Variants in OPCML observed in about 807,000 individuals in gnomAD.
The protein encoded by OPCML is opioid binding protein/cell adhesion molecule like.
In OPCML, 13 loss-of-function variants were observed where a neutral mutation model predicts 37.8. The observed-to-expected ratio is 0.34, with a 90% confidence interval of 0.22 to 0.55. The LOEUF (loss-of-function observed/expected upper bound fraction) is 0.55. Among genes scored for constraint, OPCML ranks in the 20% least tolerant of loss-of-function variants. OPCML has a pLI of 0.91. For synonymous variants in OPCML, 176 were observed against 168.8 expected, an observed-to-expected ratio of 1.04 and a Z score of -0.33; for missense variants, 341 against 435.6, an observed-to-expected ratio of 0.78 and a Z score of 1.93.
chr11:133,024,546 C>T (rs188298429), intron 1 of OPCML: 57 of 985,142 alleles, frequency 5.8e-5, no homozygotes, highest in Non-Finnish European at 3.6e-5. Context: ...ACCCTTTGCA[C>T]GTAATTCATG....
At chr11:132,715,112 GCTC>G (rs1944421298) in intron 2 of OPCML, among the ~76,000 whole-genome samples, 1 of 152,148 alleles carries the variant, frequency 6.6e-6, no homozygotes, top group African/African-American at 2.4e-5. Flanking sequence ...TGACTCCACT[GCTC>G]CTCACTCTTA....
intron 4 of OPCML, among the ~76,000 whole-genome samples, chr11:132,494,684 G>A (rs915678671): frequency 3.9e-5 from 6 of 152,136 alleles, no homozygotes; most frequent in Middle Eastern, 3.2e-3. Context: ...AAATCCACTG[G>A]TGAGGACATG....
At chr11:133,103,532 T>C (rs1343980702) in intron 1 of OPCML, among the ~76,000 whole-genome samples, 1 of 152,128 alleles carries the variant, frequency 6.6e-6, no homozygotes, top group African/African-American at 2.4e-5. Context: ...TAAAACAAAA[T>C]GTGACAGGAA....
At chr11:133,171,782 G>A (rs1054479810) in intron 1 of OPCML, among the ~76,000 whole-genome samples, 15 of 152,224 alleles carry the variant, frequency 9.9e-5, no homozygotes, top group African/African-American at 3.6e-4. Flanking sequence ...CAAAGAAACA[G>A]CAAAGGGTGG....
intron 2 of OPCML, among the ~76,000 whole-genome samples, chr11:132,809,050 A>G (rs2136221072): frequency 6.6e-6 from 1 of 152,332 alleles, no homozygotes; most frequent in Middle Eastern, 3.4e-3. Context: ...CTGGAAGGCT[A>G]TACTCCAAGA....
At chr11:133,041,877 C>T (rs1947904298) in intron 1 of OPCML, among the ~76,000 whole-genome samples, 1 of 152,124 alleles carries the variant, frequency 6.6e-6, no homozygotes, top group African/African-American at 2.4e-5. Flanking sequence ...CCTCCGGGTG[C>T]TTAGAGCCCT....
intron 1 of OPCML, among the ~76,000 whole-genome samples, chr11:133,011,940 A>G (rs1947226469): frequency 1.3e-5 from 2 of 152,246 alleles, no homozygotes; most frequent in South Asian, 2.1e-4. Flanking sequence ...AAACAGCCAC[A>G]GACAGTTTGT....
chr11:133,500,805 C>T (rs904738371), intron 1 of OPCML, among the ~76,000 whole-genome samples: 1 of 152,182 alleles, frequency 6.6e-6, no homozygotes, highest in Non-Finnish European at 1.5e-5. Flanking sequence ...AAATAGAAAC[C>T]TTCGAATTTT....
At chr11:132,718,713 G>A (rs952525018) in intron 2 of OPCML, among the ~76,000 whole-genome samples, 1 of 152,152 alleles carries the variant, frequency 6.6e-6, no homozygotes, top group Non-Finnish European at 1.5e-5. Context: ...ACTGCACAGG[G>A]AAGCACACGC....
At chr11:132,953,287 C>G (rs919836081) in intron 1 of OPCML, among the ~76,000 whole-genome samples, 3 of 152,180 alleles carry the variant, frequency 2.0e-5, no homozygotes, top group Non-Finnish European at 2.9e-5. Flanking sequence ...GATGTCCACT[C>G]TCCACAGTCT....
intron 1 of OPCML, among the ~76,000 whole-genome samples, chr11:133,050,087 G>A (rs1178389365): frequency 6.6e-6 from 1 of 152,160 alleles, no homozygotes; most frequent in African/African-American, 2.4e-5. Context: ...TTCCCTGAGG[G>A]AGAGATTCTA....
intron 3 of OPCML, among the ~76,000 whole-genome samples, chr11:132,552,297 A>G (rs1254294432): frequency 1.3e-5 from 2 of 152,240 alleles, no homozygotes; most frequent in Admixed American, 1.3e-4. Flanking sequence ...ACATTACATG[A>G]GACCTCTCCC....
intron 1 of OPCML, among the ~76,000 whole-genome samples, chr11:133,437,640 TCTCAACCCCGCTCACCTCTCCC>T (rs1946264871): frequency 7.6e-6 from 1 of 131,422 alleles, no homozygotes; most frequent in South Asian, 2.6e-4. Context: ...ACCTCTCCCC[TCTCAACCCCGCTCACCTCTCCC>T]CTCTCAACCC....
chr11:133,106,822 A>G (rs1413315422), intron 1 of OPCML, among the ~76,000 whole-genome samples: 1 of 152,232 alleles, frequency 6.6e-6, no homozygotes, highest in Non-Finnish European at 1.5e-5. Context: ...CACAGCGCTT[A>G]TCAGATCTGC....
At chr11:133,091,897 A>G (rs538176542) in intron 1 of OPCML, among the ~76,000 whole-genome samples, 2 of 152,278 alleles carry the variant, frequency 1.3e-5, no homozygotes, top group African/African-American at 2.4e-5. Flanking sequence ...TGGAATGAAT[A>G]TATTTTTCAT....
chr11:132,943,295 G>A lies in OPCML; in HGVS notation c.62-285C>T, dbSNP rs530162294. On this transcript the variant is annotated intron_variant, in intron 1 of 7. Transcript: ENST00000524381. The surrounding 1 kb of genome is among the most constrained non-coding windows in gnomAD (Gnocchi z 4.3). ...GATCCTGCCTCAGCTTTCCAGCCTAGCAGAACCAGATGCCCCCTCCTGCAT... is the reference window on the plus strand; with the variant it reads ...GATCCTGCCTCAGCTTTCCAGCCTAACAGAACCAGATGCCCCCTCCTGCAT... 30 of 753,014 alleles carry A rather than the reference G, an allele frequency of 4.0e-5. 1 individual carries two copies. The East Asian group carries it at 6.8e-4, about 17-fold the overall frequency. The allele number at this position is 753,014 out of a possible 1,614,324, so 46.6% of individuals were successfully genotyped here.
At chr11:133,240,065 T>C (rs1940666772) in intron 1 of OPCML, among the ~76,000 whole-genome samples, 1 of 151,884 alleles carries the variant, frequency 6.6e-6, no homozygotes, top group Admixed American at 6.6e-5. Context: ...TAATTGAAAA[T>C]GGCTCCAACA....
At chr11:133,072,102 A>C (rs532582910) in intron 1 of OPCML, among the ~76,000 whole-genome samples, 2 of 152,176 alleles carry the variant, frequency 1.3e-5, no homozygotes, top group Admixed American at 6.5e-5. Flanking sequence ...TGGGAAGTTA[A>C]AAACCACCTG....
At chr11:132,786,602 T>G (rs1947219383) in intron 2 of OPCML, among the ~76,000 whole-genome samples, 2 of 152,152 alleles carry the variant, frequency 1.3e-5, no homozygotes. Flanking sequence ...GACTTTGAGA[T>G]AACTATGCAA....
Sources: allele counts gnomAD v4.1 joint callset (sites outside exome capture counted in the v4.1 genomes callset), GRCh38; gene constraint gnomAD v4.1.1; non-coding constraint Gnocchi (gnomAD v3.1); transcripts MANE v1.5; gene names NCBI Gene and HGNC (gene_info 2026-07-23, HGNC 2026-07-21).